The following ZNF148 variants were observed in gnomAD, a reference collection of about 807,000 sequenced individuals.
ZNF148 encodes the protein Beta-Enolase Repressor Factor-1.
ZNF148 carries 7 observed loss-of-function variants against 67.7 expected under a neutral mutation model. The ratio of observed to expected loss-of-function variants is 0.10; its 90% CI spans 0.06 to 0.19. The LOEUF (loss-of-function observed/expected upper bound fraction) is 0.19, where lower values mean the gene tolerates loss of function less well. Ranked by LOEUF, ZNF148 falls within the 10% of genes least tolerant of loss-of-function variation. The probability of loss-of-function intolerance (pLI) is 1.00; values close to 1 mark genes in which losing one functional copy is unlikely to be tolerated. For missense variants in ZNF148, 583 were observed against 947.1 expected, an observed-to-expected ratio of 0.62 and a Z score of 5.05; for synonymous variants, 333 against 330.7, an observed-to-expected ratio of 1.01 and a Z score of -0.08.
intron 4 of ZNF148, among the ~76,000 whole-genome samples, chr3:125,310,470 C>A (rs1201097876): frequency 6.6e-6 from 1 of 151,930 alleles, no homozygotes; most frequent in South Asian, 2.1e-4. Context: ...GTAGCTAATG[C>A]AGTGCTTAGA....
At chr3:125,275,180 G>A (rs760849130) in intron 7 of ZNF148, among the ~76,000 whole-genome samples, 2 of 152,166 alleles carry the variant, frequency 1.3e-5, no homozygotes, top group Non-Finnish European at 2.9e-5. Context: ...ACCTAGTAGG[G>A]AGGGAACAAT....
At chr3:125,244,090 A>G (rs1041555677) in intron 7 of ZNF148, among the ~76,000 whole-genome samples, 1 of 152,102 alleles carries the variant, frequency 6.6e-6, no homozygotes, top group African/African-American at 2.4e-5. Context: ...CACGGTAAGG[A>G]AAAAAACAAT....
At position 125,230,659 on chromosome 3, in the gene ZNF148, A is replaced by T. The variant is rs1222611115; in HGVS notation, c.*1682T>A. The stretch of plus-strand genomic sequence containing the variant: ...ATAAAAGAAAAAATAATTTAAATGG[A>T]TAACATATTCTATATTGAAACAAAG... On this transcript the variant is annotated 3_prime_UTR_variant, in exon 9 of 9. Coordinates refer to ENST00000360647, the MANE Select transcript of ZNF148 (RefSeq NM_021964.3). 6.6e-6 allele frequency: 1 copy of T among 152,502 alleles called. No individual in the cohort carries two copies. The highest frequency in any genetic ancestry group is 1.5e-5 in the Non-Finnish European group (1 of 67,968). The allele number at this position is 152,502 out of a possible 1,614,324, so 9.4% of individuals were successfully genotyped here. A position where few individuals can be genotyped will look rare whatever the true frequency, so the allele number is the denominator to read the frequency against.
At chr3:125,335,336 CTCTT>C (rs1337899325) in intron 1 of ZNF148, among the ~76,000 whole-genome samples, 4 of 152,174 alleles carry the variant, frequency 2.6e-5, no homozygotes, top group Admixed American at 1.3e-4. Flanking sequence ...ATACAACACT[CTCTT>C]TCTAATTATG....
At chr3:125,257,542 G>A (rs890178292) in intron 7 of ZNF148, among the ~76,000 whole-genome samples, 5 of 133,502 alleles carry the variant, frequency 3.7e-5, no homozygotes, top group Non-Finnish European at 7.7e-5. Flanking sequence ...GCGACAGAGC[G>A]AGACTCCGTC....
At position 125,227,866 on chromosome 3, in the gene ZNF148, A is replaced by C. The variant is rs1387759769; in HGVS notation, c.*4475T>G. The C allele has an allele frequency of 1.3e-5, 2 of 152,644 alleles. No individual in the cohort carries two copies. Among genetic ancestry groups the C allele is most frequent in the Non-Finnish European group, 2.9e-5 (2 of 68,042 alleles). 9.5% of individuals were successfully genotyped at this position (152,644 alleles called of 1,614,324 possible). The stretch of plus-strand genomic sequence containing the variant: ...TTTTCCTATAAAATGTAGGTCATAT[A>C]CATTTATAAATTGGCGGTTTTATTT... On this transcript the variant is annotated 3_prime_UTR_variant, in exon 9 of 9. Transcript: ENST00000360647.
At chr3:125,303,331 G>A (rs1939693724) in intron 4 of ZNF148, among the ~76,000 whole-genome samples, 1 of 152,090 alleles carries the variant, frequency 6.6e-6, no homozygotes, top group Non-Finnish European at 1.5e-5. Context: ...TGCTGCAAGG[G>A]TCCCCAACTC....
chr3:125,312,702 A>G (rs1359070830), intron 4 of ZNF148, among the ~76,000 whole-genome samples: 2 of 152,238 alleles, frequency 1.3e-5, no homozygotes, highest in Non-Finnish European at 2.9e-5. Flanking sequence ...GATATCATAG[A>G]AAGAAGAGAC....
chr3:125,249,645 A>G (rs1032514825), intron 7 of ZNF148, among the ~76,000 whole-genome samples: 5 of 152,208 alleles, frequency 3.3e-5, no homozygotes, highest in Non-Finnish European at 7.3e-5. Context: ...TAAAAATAGA[A>G]CTACCATATG....
chr3:125,229,040 A>G lies in ZNF148; in HGVS notation c.*3301T>C, dbSNP rs1344278341. 1.3e-5 allele frequency: 2 copies of G among 152,512 alleles called. No homozygotes were observed. 9.4% of individuals were successfully genotyped at this position (152,512 alleles called of 1,614,324 possible). ...AAAATTATTTCCCTGAAATAAAGCA[A>G]TTTGAAACGGAAAATTAAATTAAAT... is the stretch of plus-strand genomic sequence containing the variant. On this transcript the variant is annotated 3_prime_UTR_variant, in exon 9 of 9. Coordinates refer to ENST00000360647, the MANE Select transcript of ZNF148 (RefSeq NM_021964.3).
At chr3:125,353,982 T>C (rs1579885160) in intron 1 of ZNF148, among the ~76,000 whole-genome samples, 2 of 152,116 alleles carry the variant, frequency 1.3e-5, no homozygotes, top group South Asian at 4.1e-4. Flanking sequence ...TAGCCATTAA[T>C]TGCTATATGA....
At chr3:125,245,852 C>T (rs1404687597) in intron 7 of ZNF148, among the ~76,000 whole-genome samples, 1 of 152,140 alleles carries the variant, frequency 6.6e-6, no homozygotes, top group Non-Finnish European at 1.5e-5. Context: ...TTAAGTAAAT[C>T]TGATCATGTT....
At chr3:125,367,342 G>A (rs58519138) in intron 1 of ZNF148, among the ~76,000 whole-genome samples, 2 of 152,088 alleles carry the variant, frequency 1.3e-5, no homozygotes, top group South Asian at 4.2e-4. Context: ...CCCTCCTTCA[G>A]AATCATGCTT....
chr3:125,358,630 TA>T (rs1379283825), intron 1 of ZNF148, among the ~76,000 whole-genome samples: 1 of 152,228 alleles, frequency 6.6e-6, no homozygotes, highest in African/African-American at 2.4e-5. Context: ...AAATATTCTG[TA>T]ACAATTCATT....
intron 7 of ZNF148, among the ~76,000 whole-genome samples, chr3:125,243,653 G>A (rs1936465349): frequency 6.6e-6 from 1 of 151,832 alleles, no homozygotes; most frequent in Admixed American, 6.6e-5. Context: ...CTCCCAAGTA[G>A]CCAGGACCAC....
chr3:125,334,373 T>C (rs943903377), intron 1 of ZNF148, among the ~76,000 whole-genome samples: 1 of 152,192 alleles, frequency 6.6e-6, no homozygotes, highest in Admixed American at 6.5e-5. Flanking sequence ...GATAAGCACA[T>C]ACAGAGTAAA....
intron 1 of ZNF148, among the ~76,000 whole-genome samples, chr3:125,370,252 T>C (rs1302755114): frequency 1.3e-5 from 2 of 152,188 alleles, no homozygotes; most frequent in South Asian, 2.1e-4. Context: ...ATCCAGTCTG[T>C]CTTCTTCCCT....
At chr3:125,330,280 C>T (rs887694837) in intron 2 of ZNF148, among the ~76,000 whole-genome samples, 29 of 152,022 alleles carry the variant, frequency 1.9e-4, no homozygotes, top group African/African-American at 6.3e-4. Flanking sequence ...GCCTGGGCAA[C>T]ATGGCAAAAC....
chr3:125,306,290 A>G (rs980311718), intron 4 of ZNF148, among the ~76,000 whole-genome samples: 5 of 152,158 alleles, frequency 3.3e-5, no homozygotes, highest in African/African-American at 1.2e-4. Flanking sequence ...GTAGAAAGAA[A>G]TAATAAAAAG....
Sources: gnomAD v4.1 joint callset for allele counts (sites outside exome capture counted in the v4.1 genomes callset) on GRCh38, gnomAD v4.1.1 for gene constraint, MANE v1.5 for transcripts, NCBI Gene and HGNC (gene_info 2026-07-23, HGNC 2026-07-21) for gene names.